The following UBR2 variants were observed in gnomAD, a reference collection of about 807,000 sequenced individuals.
UBR2 encodes ubiquitin protein ligase E3 component n-recognin 2.
A neutral mutation model predicts 247.9 loss-of-function variants in UBR2; 92 were observed. That is an observed-to-expected ratio of 0.37 (90% CI 0.31 to 0.44). The LOEUF (loss-of-function observed/expected upper bound fraction) is 0.44, where lower values mean the gene tolerates loss of function less well. Among genes scored for constraint, UBR2 ranks in the 20% least tolerant of loss-of-function variants. The probability of loss-of-function intolerance (pLI) is 1.00; values close to 1 mark genes in which losing one functional copy is unlikely to be tolerated. For synonymous variants in UBR2, 672 were observed against 693.5 expected, an observed-to-expected ratio of 0.97 and a Z score of 0.49; for missense variants, 1,613 against 2,112.6, an observed-to-expected ratio of 0.76 and a Z score of 4.64.
chr6:42,644,037 A>G (rs1252155475), intron 18 of UBR2, among the ~76,000 whole-genome samples, 177 bp from the exon 19 acceptor site: 1 of 152,128 alleles, frequency 6.6e-6, no homozygotes, highest in Non-Finnish European at 1.5e-5. Context: ...GCCTGCTACC[A>G]CAAGTAAGGA....
chr6:42,636,527 T>C (rs982892331), intron 14 of UBR2, among the ~76,000 whole-genome samples: 3 of 152,116 alleles, frequency 2.0e-5, no homozygotes. Flanking sequence ...TTACCATCTC[T>C]CTATTAAATT....
intron 20 of UBR2, among the ~76,000 whole-genome samples, chr6:42,644,836 AG>A (rs1433169148): frequency 1.3e-5 from 2 of 152,174 alleles, no homozygotes; most frequent in Non-Finnish European, 2.9e-5. Context: ...ATCAAGGAAT[AG>A]GATATTTAAG....
intron 6 of UBR2, 127 bp from the exon 7 acceptor site, chr6:42,606,462 G>T (rs1395654384): frequency 2.6e-6 from 2 of 776,590 alleles, no homozygotes; most frequent in Non-Finnish European, 4.1e-6. Context: ...CAATGAGTAG[G>T]ATGAGCATTG....
intron 2 of UBR2, among the ~76,000 whole-genome samples, chr6:42,577,030 T>C (rs977053648): frequency 3.9e-5 from 6 of 152,190 alleles, no homozygotes; most frequent in African/African-American, 1.4e-4. Flanking sequence ...CCTTTGTGTG[T>C]AGTACTTTAC....
chr6:42,571,571 T>C (rs1401673110), intron 1 of UBR2, among the ~76,000 whole-genome samples: 1 of 151,744 alleles, frequency 6.6e-6, no homozygotes, highest in Non-Finnish European at 1.5e-5. Flanking sequence ...AGTGAAACCT[T>C]GTCTCTACTA....
At chr6:42,610,578 G>A (rs577659550) in intron 7 of UBR2, among the ~76,000 whole-genome samples, 3 of 152,112 alleles carry the variant, frequency 2.0e-5, no homozygotes, top group Admixed American at 6.5e-5. Context: ...GAAATAAGCC[G>A]GTAACAAAAA....
Position 42,652,575 on chromosome 6 carries a change from T to C in UBR2, c.2699T>C (p.Ile900Thr). The C allele has an allele frequency of 6.2e-7, 1 of 1,613,914 alleles. No individual in the cohort carries two copies. Among genetic ancestry groups the C allele is most frequent in the South Asian group, 1.1e-5 (1 of 90,968 alleles). The change falls in exon 25 of 47, where the codon ATC (isoleucine) becomes ACC (threonine). Residue 900 changes from isoleucine to threonine, a missense_variant. Physicochemically the swap from Ile to Thr is moderately conservative, Grantham distance 89. Around this residue, in one of 3 missense-constraint regions of UBR2, gnomAD observed 1,524 missense variants for 1,967.3 expected, o/e 0.77. Coordinates refer to ENST00000372901, the MANE Select transcript of UBR2 (RefSeq NM_001363705.2). Reference protein sequence around the residue: ...NILQSDVMLCIMGTILQWAVE... With the variant: ...NILQSDVMLCTMGTILQWAVE... ...TTGCAGTCAGATGTCATGTTGTGCA[T>C]CATGGGAACAATTCTGCAATGGGCT...
In UBR2 at chr6:42,662,952, CA is replaced by C. The variant is rs113164393; in HGVS notation, c.3537-296del. Among the ~76,000 whole-genome samples, 79 of 146,472 alleles carry C rather than the reference CA, an allele frequency of 5.4e-4. No individual in the cohort carries two copies. In the Middle Eastern group the frequency reaches 0.017, roughly 32 times the overall value. On this transcript the variant is annotated intron_variant, in intron 31 of 46. Coordinates refer to ENST00000372901, the MANE Select transcript of UBR2 (RefSeq NM_001363705.2). ...TCCATCTCAAAAACAACAACAACAA[CA>C]AAAAAAAAACAAATAGCCACCAGCC...
intron 11 of UBR2, among the ~76,000 whole-genome samples, chr6:42,626,945 A>G (rs1002742594): frequency 5.9e-5 from 9 of 152,156 alleles, no homozygotes; most frequent in African/African-American, 1.7e-4. Flanking sequence ...TAACCACACA[A>G]TGGGTTACCT....
In UBR2 at chr6:42,621,752, C is replaced by T. The variant is rs534401757; in HGVS notation, c.1281+4245C>T. On this transcript the variant is annotated intron_variant, in intron 11 of 46. Coordinates refer to ENST00000372901, the MANE Select transcript of UBR2 (RefSeq NM_001363705.2). ...CTGAGATTACAGGCGTGAGCCACCGCGCCAGGCCAGCCTTGGCCATTCTTA... is the reference window on the plus strand; with the variant it reads ...CTGAGATTACAGGCGTGAGCCACCGTGCCAGGCCAGCCTTGGCCATTCTTA... Among the ~76,000 whole-genome samples the T allele has an allele frequency of 6.6e-4, 100 of 151,676 alleles. 2 individuals carry two copies. The highest frequency in any genetic ancestry group is 9.7e-4 in the Non-Finnish European group (66 of 67,884).
intron 40 of UBR2, among the ~76,000 whole-genome samples, chr6:42,677,922 C>T (rs1798804600): frequency 6.6e-6 from 1 of 152,070 alleles, no homozygotes; most frequent in Non-Finnish European, 1.5e-5. Context: ...GAGCTGGGTG[C>T]AGTGGCATGT....
chr6:42,636,981 A>G, intron 14 of UBR2, 30 bp from the exon 15 acceptor site: 2 of 1,593,242 alleles, frequency 1.3e-6, no homozygotes, highest in Non-Finnish European at 1.7e-6. Context: ...CAACCTTTTG[A>G]GTAACTTACA....
chr6:42,564,295 G>A lies in UBR2; in HGVS notation c.-25G>A, dbSNP rs1269894478. The A allele has an allele frequency of 6.2e-7, 1 of 1,600,406 alleles. No individual in the cohort carries two copies. Among genetic ancestry groups the A allele is most frequent in the East Asian group, 2.3e-5 (1 of 44,260 alleles). On this transcript the variant is annotated 5_prime_UTR_variant, in exon 1 of 47. Coordinates refer to ENST00000372901, the MANE Select transcript of UBR2 (RefSeq NM_001363705.2). ...GGCTGCAGCTCTCCGGGCGGCGGTA[G>A]CGCTGGGGAGGAGGAGGAGAGAAGA... is the stretch of plus-strand genomic sequence containing the variant.
chr6:42,647,005 A>G (rs1436304467), intron 21 of UBR2, among the ~76,000 whole-genome samples: 1 of 151,662 alleles, frequency 6.6e-6, no homozygotes, highest in Non-Finnish European at 1.5e-5. Flanking sequence ...TGTTTTTAGT[A>G]GAGATGGGGG....
intron 6 of UBR2, among the ~76,000 whole-genome samples, 200 bp downstream of exon 6, chr6:42,606,059 A>G (rs1793678747): frequency 6.6e-6 from 1 of 152,132 alleles, no homozygotes; most frequent in Admixed American, 6.6e-5. Context: ...CCTGACTAAC[A>G]TGGTGAAACC....
intron 6 of UBR2, among the ~76,000 whole-genome samples, 191 bp from the exon 7 acceptor site, chr6:42,606,398 T>G (rs1412731170): frequency 6.6e-6 from 1 of 152,216 alleles, no homozygotes; most frequent in African/African-American, 2.4e-5. Context: ...GAAATATTTA[T>G]TAATGGCTTG....
intron 2 of UBR2, among the ~76,000 whole-genome samples, chr6:42,591,277 G>T (rs1389753535): frequency 6.6e-6 from 1 of 152,144 alleles, no homozygotes; most frequent in Non-Finnish European, 1.5e-5. Flanking sequence ...GGATTTCTGT[G>T]TCTGTAACTA....
At position 42,689,117 on chromosome 6, in the gene UBR2, C is replaced by T. The variant is rs1005518274; in HGVS notation, c.5025-452C>T. Among the ~76,000 whole-genome samples the T allele has an allele frequency of 3.3e-5, 5 of 152,124 alleles. No homozygotes were observed. The highest frequency in any genetic ancestry group is 9.7e-5 in the African/African-American group (4 of 41,424). ...TGCCTGTCTGCTCAAGGCAAGGAGG[C>T]GCGTGTCACTGGAGTGTTGTGCACA... On this transcript the variant is annotated intron_variant, in intron 45 of 46. Coordinates refer to ENST00000372901, the MANE Select transcript of UBR2 (RefSeq NM_001363705.2). This position sits in a 1 kb window ranked among gnomAD's most constrained non-coding sequence, Gnocchi z 4.0.
chr6:42,682,293 T>C (rs772591887), intron 42 of UBR2, among the ~76,000 whole-genome samples: 5 of 152,068 alleles, frequency 3.3e-5, no homozygotes, highest in Non-Finnish European at 5.9e-5. Context: ...AGAGTTTCAG[T>C]TGGGAAAGAT....
Sources: allele counts gnomAD v4.1 joint callset (sites outside exome capture counted in the v4.1 genomes callset), GRCh38; gene constraint gnomAD v4.1.1; regional missense constraint gnomAD v4.1.1; non-coding constraint Gnocchi (gnomAD v3.1); transcripts MANE v1.5; gene names NCBI Gene and HGNC (gene_info 2026-07-23, HGNC 2026-07-21).